The following RUNX1 variants were observed in gnomAD, a reference collection of about 807,000 sequenced individuals.
The protein encoded by RUNX1 is RUNX family transcription factor 1, also known as runt-related transcription factor 1.
Under a neutral mutation model 42.8 loss-of-function variants are expected in RUNX1, and 19 were observed. That is an observed-to-expected ratio of 0.44 (90% CI 0.31 to 0.65). The LOEUF is 0.65. RUNX1 is among the 30% of genes least tolerant of loss of function. RUNX1 has a pLI of 0.07. For missense variants in RUNX1, 528 were observed against 672.0 expected (o/e 0.79, Z 2.37); for synonymous variants, 271 against 289.4 (o/e 0.94, Z 0.64).
intron 5 of RUNX1, among the ~76,000 whole-genome samples, chr21:34,865,080 C>T (rs1040919493): frequency 2.6e-5 from 4 of 151,984 alleles, no homozygotes; most frequent in Admixed American, 2.0e-4. Flanking sequence ...CATTCCATCT[C>T]GTAGCATTGT....
chr21:34,929,893 G>A (rs1211968333), intron 2 of RUNX1, among the ~76,000 whole-genome samples: 2 of 151,966 alleles, frequency 1.3e-5, no homozygotes, highest in African/African-American at 4.8e-5. Context: ...TGTCATCCCG[G>A]AAAATTCTGA....
intron 2 of RUNX1, among the ~76,000 whole-genome samples, chr21:35,043,217 A>G (rs574145039): frequency 1.1e-4 from 16 of 152,324 alleles, no homozygotes; most frequent in East Asian, 7.7e-4. Context: ...TTACCACTCC[A>G]GGACATCCTA....
At chr21:34,831,563 C>T (rs1349163956) in intron 7 of RUNX1, among the ~76,000 whole-genome samples, 2 of 152,192 alleles carry the variant, frequency 1.3e-5, no homozygotes, top group Non-Finnish European at 2.9e-5. Context: ...GCCAAACCCC[C>T]GGTTACTGAC....
At chr21:34,921,233 G>T (rs1376875141) in intron 2 of RUNX1, among the ~76,000 whole-genome samples, 1 of 152,172 alleles carries the variant, frequency 6.6e-6, no homozygotes, top group East Asian at 1.9e-4. Flanking sequence ...TCCATCTCCA[G>T]AACATTTTTG....
chr21:34,947,065 G>C (rs2058568670), intron 2 of RUNX1, among the ~76,000 whole-genome samples: 1 of 152,106 alleles, frequency 6.6e-6, no homozygotes, highest in Non-Finnish European at 1.5e-5. Flanking sequence ...CCCTCTTCTG[G>C]TCACACATGG....
rs118108644 is a variant in RUNX1 at position 34,905,247 on chromosome 21, C to T, written c.59-12284G>A. 2.6e-3 allele frequency among the ~76,000 whole-genome samples: 392 copies of T among 152,314 alleles called. 1 individual carries two copies. The highest frequency in any genetic ancestry group is 6.8e-3 in the Middle Eastern group (2 of 294). On this transcript the variant is annotated intron_variant, in intron 2 of 8. Transcript: ENST00000675419. Reference sequence around the variant, plus strand: ...GAAGTGCAAGATGTAGATATTTCTTCCCCCTCACTAATCTCGCTCACAAGA... The same window carrying T: ...GAAGTGCAAGATGTAGATATTTCTTTCCCCTCACTAATCTCGCTCACAAGA...
At chr21:34,868,320 T>C (rs561035436) in intron 5 of RUNX1, among the ~76,000 whole-genome samples, 2 of 152,174 alleles carry the variant, frequency 1.3e-5, no homozygotes, top group African/African-American at 4.8e-5. Flanking sequence ...ACCCTCCAAA[T>C]GTCCTTTCCA....
intron 7 of RUNX1, among the ~76,000 whole-genome samples, chr21:34,817,743 A>C (rs2834646): frequency 0.8 from 122,341 of 152,102 alleles, 50,968 homozygotes; most frequent in East Asian, 1. Flanking sequence ...TGACTCCTAC[A>C]CTATGGGCCT....
intron 2 of RUNX1, among the ~76,000 whole-genome samples, chr21:34,908,589 G>C (rs1400837934): frequency 6.6e-6 from 1 of 152,146 alleles, no homozygotes; most frequent in African/African-American, 2.4e-5. Context: ...GGGGTCGGGG[G>C]AGGTGCAATC....
intron 3 of RUNX1, chr21:34,889,928 G>T: frequency 2.2e-6 from 2 of 929,762 alleles, no homozygotes; most frequent in Non-Finnish European, 2.7e-6. Context: ...CCGGATCCCG[G>T]CCCCGTTCCA....
At chr21:34,813,568 A>C (rs994783715) in intron 7 of RUNX1, among the ~76,000 whole-genome samples, 3 of 152,006 alleles carry the variant, frequency 2.0e-5, no homozygotes, top group African/African-American at 7.2e-5. Context: ...CTGCTCTCTC[A>C]GTCTCATGGC....
rs566481963 is a variant in RUNX1, at chr21:34,901,523, A to G, written c.59-8560T>C. 9.2e-5 allele frequency among the ~76,000 whole-genome samples: 14 copies of G among 152,150 alleles called. No homozygotes were observed. In the South Asian group the frequency reaches 2.7e-3, roughly 29 times the overall value. On this transcript the variant is annotated intron_variant, in intron 2 of 8. Transcript: ENST00000675419. The surrounding 1 kb of genome is among the most constrained non-coding windows in gnomAD (Gnocchi z 4.3). ...GCCAGATCCGTCTCAAAAATAAATAATAATAATAATAATAACAATACCAGT... is the reference window on the plus strand; with the variant it reads ...GCCAGATCCGTCTCAAAAATAAATAGTAATAATAATAATAACAATACCAGT...
intron 2 of RUNX1, among the ~76,000 whole-genome samples, chr21:34,967,546 A>G (rs1406201735): frequency 6.6e-6 from 1 of 151,950 alleles, no homozygotes; most frequent in African/African-American, 2.4e-5. Context: ...AGGGTGTCTA[A>G]GAGTCTGGTG....
rs535698625 is a variant in RUNX1, at chr21:34,978,097, C to G, written c.58+70745G>C. 4.6e-5 allele frequency among the ~76,000 whole-genome samples: 7 copies of G among 152,168 alleles called. No individual in the cohort carries two copies. The East Asian group carries it at 1.4e-3, about 29-fold the overall frequency. The stretch of plus-strand genomic sequence containing the variant: ...GGACTACAGTCACGTGCCACCATGC[C>G]CGGCTAATTTTTTGTAGTTTTTAGT... On this transcript the variant is annotated intron_variant, in intron 2 of 8. Coordinates refer to ENST00000675419, the MANE Select transcript of RUNX1 (RefSeq NM_001754.5).
chr21:34,915,892 C>T (rs990495691), intron 2 of RUNX1, among the ~76,000 whole-genome samples: 6 of 152,102 alleles, frequency 3.9e-5, no homozygotes, highest in Non-Finnish European at 8.8e-5. Flanking sequence ...TCACATTCCT[C>T]GTTTTTGGAA....
Position 34,967,148 on chromosome 21 carries a change from A to T in RUNX1, c.59-74185T>A, listed in dbSNP as rs555970254. On this transcript the variant is annotated intron_variant, in intron 2 of 8. Transcript: ENST00000675419. ...AGCCTGGCCAACATAGTGAAACCCT[A>T]TCTCTACTAAAAATACAAAAAATTA... Among the ~76,000 whole-genome samples, 5 of 151,112 alleles carry T rather than the reference A, an allele frequency of 3.3e-5. No individual in the cohort carries two copies. The South Asian group carries it at 1.1e-3, about 32-fold the overall frequency.
At chr21:34,805,620 C>A (rs1283713223) in intron 7 of RUNX1, among the ~76,000 whole-genome samples, 1 of 152,148 alleles carries the variant, frequency 6.6e-6, no homozygotes, top group East Asian at 1.9e-4. Context: ...CTGCATTCAG[C>A]AAAATTATCC....
intron 2 of RUNX1, among the ~76,000 whole-genome samples, chr21:34,912,230 C>T (rs1362945268): frequency 6.7e-6 from 1 of 148,706 alleles, no homozygotes; most frequent in Non-Finnish European, 1.5e-5. Context: ...CATCCTAGAT[C>T]TCAGAGCAAG....
intron 2 of RUNX1, among the ~76,000 whole-genome samples, chr21:34,921,904 G>A (rs2058357017): frequency 6.6e-6 from 1 of 152,140 alleles, no homozygotes; most frequent in Non-Finnish European, 1.5e-5. Flanking sequence ...GAAGTGCTGG[G>A]ATTACAGGCG....
Sources: allele counts gnomAD v4.1 joint callset (sites outside exome capture counted in the v4.1 genomes callset), GRCh38; gene constraint gnomAD v4.1.1; non-coding constraint Gnocchi (gnomAD v3.1); transcripts MANE v1.5; gene names NCBI Gene and HGNC (gene_info 2026-07-23, HGNC 2026-07-21).